The following CFAP58 variants were observed in gnomAD, a reference collection of about 807,000 sequenced individuals.
CFAP58 encodes the protein cilia- and flagella-associated protein 58.
Under a neutral mutation model 119.5 loss-of-function variants are expected in CFAP58, and 88 were observed. That is an observed-to-expected ratio of 0.74 (90% confidence interval 0.62 to 0.88). The LOEUF is 0.88. Ranked by LOEUF, CFAP58 falls within the 40% of genes least tolerant of loss-of-function variation. The pLI, the probability that CFAP58 is intolerant of heterozygous loss-of-function variation, is 0.00. For synonymous variants in CFAP58, 365 were observed against 366.3 expected, an observed-to-expected ratio of 1.00 and a Z score of 0.04; for missense variants, 990 against 1,021.2, an observed-to-expected ratio of 0.97 and a Z score of 0.42.
intron 12 of CFAP58, 42 bp from the exon 13 acceptor site, chr10:104,400,638 C>T (rs894048555): frequency 1.3e-6 from 2 of 1,522,450 alleles, no homozygotes; most frequent in South Asian, 1.1e-5. Flanking sequence ...AAAGCTAAGG[C>T]TCCTCCTTCC....
the CFAP58 span, among the ~76,000 whole-genome samples, chr10:104,346,953 C>T: frequency 6.6e-6 from 1 of 151,916 alleles, no homozygotes; most frequent in Admixed American, 6.6e-5. Flanking sequence ...GCTTTTTAAC[C>T]AATCTGGTCC....
intron 15 of CFAP58, among the ~76,000 whole-genome samples, chr10:104,420,367 G>A (rs1466624534): frequency 6.6e-6 from 1 of 152,166 alleles, no homozygotes; most frequent in Non-Finnish European, 1.5e-5. Flanking sequence ...GGCAGATAGA[G>A]TTTAAAAACC....
At chr10:104,426,707 A>G (rs375127578) in intron 15 of CFAP58, among the ~76,000 whole-genome samples, 3 of 152,154 alleles carry the variant, frequency 2.0e-5, no homozygotes, top group African/African-American at 7.2e-5. Flanking sequence ...GAAGAAAGAC[A>G]TTTTCACCCC....
At chr10:104,373,619 C>A (rs1460288417) in intron 7 of CFAP58, among the ~76,000 whole-genome samples, 1 of 152,138 alleles carries the variant, frequency 6.6e-6, no homozygotes, top group Non-Finnish European at 1.5e-5. Context: ...GCACATACTG[C>A]ACTCCAGCCT....
chr10:104,375,884 G>T (rs969763926), intron 7 of CFAP58, among the ~76,000 whole-genome samples: 2 of 152,136 alleles, frequency 1.3e-5, no homozygotes, highest in African/African-American at 4.8e-5. Flanking sequence ...GAAAGGAAAT[G>T]CTCAGGTTTA....
chr10:104,367,041 T>G (rs2014760164), intron 5 of CFAP58, among the ~76,000 whole-genome samples: 1 of 151,992 alleles, frequency 6.6e-6, no homozygotes, highest in South Asian at 2.1e-4. Flanking sequence ...ATATTTTTAG[T>G]AGAGACAGGG....
intron 15 of CFAP58, among the ~76,000 whole-genome samples, chr10:104,413,075 C>G (rs754806420): frequency 3.3e-5 from 5 of 152,206 alleles, no homozygotes; most frequent in Non-Finnish European, 7.3e-5. Context: ...TGGTGTCTGT[C>G]TTGTTGATCA....
At chr10:104,419,084 C>T (rs906413434) in intron 15 of CFAP58, among the ~76,000 whole-genome samples, 43 of 152,304 alleles carry the variant, frequency 2.8e-4, no homozygotes, top group African/African-American at 8.9e-4. Context: ...CTCCTGGGGC[C>T]TGTTTCTTGG....
intron 15 of CFAP58, among the ~76,000 whole-genome samples, chr10:104,411,313 C>G (rs1350929665): frequency 6.6e-6 from 1 of 152,104 alleles, no homozygotes; most frequent in Non-Finnish European, 1.5e-5. Flanking sequence ...TATAGAGACT[C>G]TTTTTCACAT....
intron 10 of CFAP58, 73 bp from the exon 11 acceptor site, chr10:104,393,256 A>T (rs2012086408): frequency 3.6e-6 from 5 of 1,374,338 alleles, no homozygotes; most frequent in Admixed American, 2.0e-5. Flanking sequence ...AAAGCTCTGA[A>T]ATATATATTG....
upstream of CFAP58, among the ~76,000 whole-genome samples, chr10:104,352,943 A>G (rs2014480951): frequency 6.6e-6 from 1 of 152,250 alleles, no homozygotes; most frequent in Non-Finnish European, 1.5e-5. Context: ...AAATACACTG[A>G]TAAAAATTTT....
intron 9 of CFAP58, among the ~76,000 whole-genome samples, chr10:104,389,751 A>G (rs548949487): frequency 3.9e-5 from 6 of 152,266 alleles, no homozygotes; most frequent in East Asian, 3.9e-4. Context: ...GTACCTGTTC[A>G]TGGAGTGAAT....
chr10:104,348,648 C>T, the CFAP58 span, among the ~76,000 whole-genome samples: 17 of 152,326 alleles, frequency 1.1e-4, no homozygotes, highest in African/African-American at 3.8e-4. Flanking sequence ...ATAGGGACCT[C>T]ACCCTGCCTA....
At position 104,418,787 on chromosome 10, in the gene CFAP58, A is replaced by G. The variant is rs1290403856; in HGVS notation, c.2256+11994A>G. Among the ~76,000 whole-genome samples, 5 of 152,146 alleles carry G rather than the reference A, an allele frequency of 3.3e-5. No individual in the cohort carries two copies. The East Asian group carries it at 9.6e-4, about 29-fold the overall frequency. On this transcript the variant is annotated intron_variant, in intron 15 of 17. Transcript: ENST00000369704. ...TGGTAGTGTAGCCTACACTAAAGGT[A>G]ATTCTTGCCTGCTTTATTAGTGGAT...
chr10:104,352,196 A>G (rs1564873196), upstream of CFAP58, among the ~76,000 whole-genome samples: 1 of 152,208 alleles, frequency 6.6e-6, no homozygotes, highest in Non-Finnish European at 1.5e-5. Context: ...TAAACACTTT[A>G]TGAGTGTTTA....
At chr10:104,354,051 T>G in intron 1 of CFAP58, 145 bp downstream of exon 1, 2 of 985,974 alleles carry the variant, frequency 2.0e-6, no homozygotes, top group Non-Finnish European at 3.0e-6. Flanking sequence ...TCCCGCGCCT[T>G]TCTCCGTTGG....
chr10:104,415,636 G>A (rs897604616), intron 15 of CFAP58, among the ~76,000 whole-genome samples: 1 of 152,170 alleles, frequency 6.6e-6, no homozygotes, highest in African/African-American at 2.4e-5. Context: ...GGGCTGTGAG[G>A]AGGAGGCTCA....
At chr10:104,444,332 AAAG>A (rs1415848476) in intron 15 of CFAP58, among the ~76,000 whole-genome samples, 4 of 152,264 alleles carry the variant, frequency 2.6e-5, no homozygotes, top group South Asian at 2.1e-4. Context: ...GTGGCTTAGT[AAAG>A]AAGGACAGGA....
At chr10:104,345,680 T>G in the CFAP58 span, among the ~76,000 whole-genome samples, 1 of 152,072 alleles carries the variant, frequency 6.6e-6, no homozygotes, top group Non-Finnish European at 1.5e-5. Flanking sequence ...GCTCAGTCTT[T>G]CCAGCAGCAC....
Sources: allele counts gnomAD v4.1 joint callset (sites outside exome capture counted in the v4.1 genomes callset), GRCh38; gene constraint gnomAD v4.1.1; transcripts MANE v1.5; gene names NCBI Gene and HGNC (gene_info 2026-07-23, HGNC 2026-07-21).